The following PRR5 variants were observed in gnomAD, a reference collection of about 807,000 sequenced individuals.
PRR5 encodes proline-rich protein 5.
PRR5 carries 25 observed loss-of-function variants against 30.6 expected under a neutral mutation model. That is an observed-to-expected ratio of 0.82 (90% CI 0.60 to 1.14). The LOEUF (loss-of-function observed/expected upper bound fraction) is 1.14, where lower values mean the gene tolerates loss of function less well. PRR5 is among the 50% of genes most tolerant of loss of function. The probability of loss-of-function intolerance (pLI) is 0.00; values close to 1 mark genes in which losing one functional copy is unlikely to be tolerated. For missense variants in PRR5, 600 were observed against 547.1 expected, an observed-to-expected ratio of 1.10 and a Z score of -0.96; for synonymous variants, 286 against 247.1, an observed-to-expected ratio of 1.16 and a Z score of -1.48.
intron 2 of PRR5, among the ~76,000 whole-genome samples, chr22:44,723,675 G>C (rs768434006): frequency 6.6e-6 from 1 of 152,108 alleles, no homozygotes; most frequent in Admixed American, 6.5e-5. Flanking sequence ...AGCCAAGATC[G>C]CACCACTGCA....
chr22:44,708,838 G>A lies in PRR5; in HGVS notation c.135-5753G>A, dbSNP rs1301130615. On this transcript the variant is annotated intron_variant, in intron 1 of 7. Coordinates refer to ENST00000336985, the MANE Select transcript of PRR5 (RefSeq NM_181333.4). ...AAAAATTAGCCCAGCGTGGTGGTGG[G>A]CGCCTGTAGTCCTAGCTACTCAGGA... Among the ~76,000 whole-genome samples, 6 of 151,834 alleles carry A rather than the reference G, an allele frequency of 4.0e-5. No individual in the cohort carries two copies. The East Asian group carries it at 1.2e-3, about 29-fold the overall frequency.
chr22:44,718,192 C>CTCTTTTTTT (rs1555901074), intron 2 of PRR5, among the ~76,000 whole-genome samples: 3 of 94,578 alleles, frequency 3.2e-5, no homozygotes, highest in African/African-American at 8.5e-5. Flanking sequence ...TTTCATCTCT[C>CTCTTTTTTT]TTTTTTTTTT....
chr22:44,705,641 T>C (rs991437642), intron 1 of PRR5, among the ~76,000 whole-genome samples: 5 of 151,564 alleles, frequency 3.3e-5, no homozygotes, highest in Admixed American at 3.3e-4. Flanking sequence ...TTGTTTTCTT[T>C]TGAGACGGAA....
rs764248027 is a variant in PRR5, at chr22:44,730,870, T to C, written c.323-860T>C. The stretch of plus-strand genomic sequence containing the variant: ...CTCGGAGGCTCAGCCTCTGTCTGCT[T>C]GGTGGGGGGTCGATCACCCCTGGCT... On this transcript the variant is annotated intron_variant, in intron 4 of 7. Transcript: ENST00000336985. The C allele has an allele frequency of 1.1e-4, 51 of 447,620 alleles. 1 individual carries two copies. The highest frequency in any genetic ancestry group is 8.5e-4 in the African/African-American group (42 of 49,276). 27.7% of individuals were successfully genotyped at this position (447,620 alleles called of 1,614,324 possible).
upstream of PRR5, among the ~76,000 whole-genome samples, chr22:44,697,732 G>A (rs1925888484): frequency 6.6e-6 from 1 of 152,194 alleles, no homozygotes; most frequent in Admixed American, 6.5e-5. Flanking sequence ...AGCCCGCAGG[G>A]CTCCAGCCTC....
rs1601990108 is a variant in PRR5, at chr22:44,702,312, G to A, written c.-163G>A. On this transcript the variant is annotated 5_prime_UTR_variant, in exon 1 of 8. Coordinates refer to ENST00000336985, the MANE Select transcript of PRR5 (RefSeq NM_181333.4). ...GGCGGCCGGCGCGGGACCCGAGACG[G>A]AGGCGCGGGGCCGGGGCGGGACCCC... The A allele has an allele frequency of 2.6e-6, 3 of 1,148,228 alleles. No individual in the cohort carries two copies. The highest frequency in any genetic ancestry group is 2.2e-6 in the Non-Finnish European group (2 of 927,936). 71.1% of individuals were successfully genotyped at this position (1,148,228 alleles called of 1,614,324 possible). A position where few individuals can be genotyped will look rare whatever the true frequency, so the allele number is the denominator to read the frequency against.
chr22:44,702,148 CCCCGCCCCCCGGGGCGCCGAGA>C (rs1422360756), upstream of PRR5: 7 of 395,486 alleles, frequency 1.8e-5, no homozygotes, highest in Non-Finnish European at 2.5e-5. Flanking sequence ...CCCTTCCCCG[CCCCGCCCCCCGGGGCGCCGAGA>C]CCCGCCCCTG....
chr22:44,694,582 A>G (rs1359908928), intron 1 of PRR5, among the ~76,000 whole-genome samples: 1 of 152,138 alleles, frequency 6.6e-6, no homozygotes, highest in African/African-American at 2.4e-5. Context: ...CATGGTCCTC[A>G]TTAGTGTAGG....
At chr22:44,705,228 T>C (rs931743389) in intron 1 of PRR5, among the ~76,000 whole-genome samples, 1 of 152,230 alleles carries the variant, frequency 6.6e-6, no homozygotes, top group Non-Finnish European at 1.5e-5. Context: ...TTCTTGAAGC[T>C]TCTGGTGGCT....
chr22:44,708,525 C>T (rs1927599473), intron 1 of PRR5, among the ~76,000 whole-genome samples: 1 of 152,278 alleles, frequency 6.6e-6, no homozygotes, highest in Non-Finnish European at 1.5e-5. Context: ...CGTGTCTCCC[C>T]CAGCAACACC....
upstream of PRR5, among the ~76,000 whole-genome samples, chr22:44,700,864 T>TTTTTA (rs978784592): frequency 6.6e-6 from 1 of 152,166 alleles, no homozygotes; most frequent in African/African-American, 2.4e-5. Context: ...GCTCTCTTAC[T>TTTTTA]TTTTATTTTA....
At chr22:44,724,773 T>G (rs983457927) in intron 2 of PRR5, among the ~76,000 whole-genome samples, 1 of 152,200 alleles carries the variant, frequency 6.6e-6, no homozygotes, top group African/African-American at 2.4e-5. Flanking sequence ...GGTGAATGCC[T>G]GCGGCTGGGT....
chr22:44,676,390 CAAAAAA>C (rs59016907), upstream of PRR5, among the ~76,000 whole-genome samples: 48 of 37,062 alleles, frequency 1.3e-3, no homozygotes, highest in African/African-American at 2.4e-3. Flanking sequence ...GACCCTGTCT[CAAAAAA>C]AAAAAAAAAA....
intron 6 of PRR5, among the ~76,000 whole-genome samples, chr22:44,733,145 C>T (rs113427221): frequency 6.6e-6 from 1 of 152,236 alleles, no homozygotes; most frequent in African/African-American, 2.4e-5. Context: ...AGCTGTTAGC[C>T]CCCCTCACAG....
chr22:44,678,324 C>T lies in PRR5; in HGVS notation c.-11+1084C>T, dbSNP rs192540137. Among the ~76,000 whole-genome samples, 389 of 130,654 alleles carry T rather than the reference C, an allele frequency of 3.0e-3. 2 individuals are homozygous for T. Among genetic ancestry groups the T allele is most frequent in the Non-Finnish European group, 4.7e-3 (290 of 62,314 alleles). 85.7% of individuals were successfully genotyped at this position (130,654 alleles called of 152,430 possible). A position where few individuals can be genotyped will look rare whatever the true frequency, so the allele number is the denominator to read the frequency against. ...TTCACCTGCTGGGCTTCTGCTGGCT[C>T]TTTTTTTTTTTTTTTTTTGAGATGG... On this transcript the variant is annotated intron_variant, in intron 1 of 8. Transcript: ENST00000006251.
intron 2 of PRR5, among the ~76,000 whole-genome samples, chr22:44,724,725 A>T (rs1930427511): frequency 6.6e-6 from 1 of 152,190 alleles, no homozygotes; most frequent in South Asian, 2.1e-4. Flanking sequence ...GACCTCTGCG[A>T]GCCTCTCTTG....
chr22:44,737,552 C>A lies in PRR5; in HGVS notation c.*305C>A. The A allele has an allele frequency of 5.0e-6, 2 of 403,310 alleles. No homozygotes were observed. Among genetic ancestry groups the A allele is most frequent in the Non-Finnish European group, 8.7e-6 (2 of 228,942 alleles). 25.0% of individuals were successfully genotyped at this position (403,310 alleles called of 1,614,324 possible). On this transcript the variant is annotated 3_prime_UTR_variant, in exon 8 of 8. Transcript: ENST00000336985. ...GCCCTCTGGTGTCCACACCTGCCCA[C>A]AGAGAATGTAAACCCAGTGGGCTCT... is the stretch of plus-strand genomic sequence containing the variant.
chr22:44,681,227 A>C (rs542576158), intron 1 of PRR5, among the ~76,000 whole-genome samples: 3 of 152,258 alleles, frequency 2.0e-5, no homozygotes, highest in Non-Finnish European at 4.4e-5. Context: ...GTTCACCCGG[A>C]GGGCCAGCCT....
Position 44,691,411 on chromosome 22 carries a change from C to T in PRR5, c.-10-11081C>T, listed in dbSNP as rs1012043141. 2.0e-5 allele frequency among the ~76,000 whole-genome samples: 3 copies of T among 152,146 alleles called. No homozygotes were observed. The highest frequency in any genetic ancestry group is 7.2e-5 in the African/African-American group (3 of 41,432). ...GCCCGCGCTGGGCACAGCATGTACT[C>T]AGCGGTGGGGACCCTGCCCTAGACT... On this transcript the variant is annotated intron_variant, in intron 1 of 8. Transcript: ENST00000006251. The surrounding 1 kb of genome is among the most constrained non-coding windows in gnomAD (Gnocchi z 4.4).
Sources: gnomAD v4.1 joint callset for allele counts (sites outside exome capture counted in the v4.1 genomes callset) on GRCh38, gnomAD v4.1.1 for gene constraint, Gnocchi (gnomAD v3.1) non-coding constraint, MANE v1.5 for transcripts, NCBI Gene and HGNC (gene_info 2026-07-23, HGNC 2026-07-21) for gene names.